IFT140: variants seen among roughly 807,000 people sequenced by gnomAD.
The protein encoded by IFT140 is intraflagellar transport 140, also known as intraflagellar transport protein 140 homolog.
Under a neutral mutation model 164.6 loss-of-function variants are expected in IFT140, and 133 were observed. The observed-to-expected ratio is 0.81, with a 90% CI of 0.70 to 0.93. The LOEUF (loss-of-function observed/expected upper bound fraction) is 0.93, where lower values mean the gene tolerates loss of function less well. IFT140 is among the 40% of genes least tolerant of loss of function. The probability of loss-of-function intolerance (pLI) is 0.00; values close to 1 mark genes in which losing one functional copy is unlikely to be tolerated. For synonymous variants in IFT140, 860 were observed against 817.3 expected, an observed-to-expected ratio of 1.05 and a Z score of -0.89; for missense variants, 2,045 against 1,972.3, an observed-to-expected ratio of 1.04 and a Z score of -0.70.
intron 30 of IFT140, among the ~76,000 whole-genome samples, chr16:1,517,461 C>G (rs1429826423): frequency 6.6e-6 from 1 of 152,072 alleles, no homozygotes; most frequent in African/African-American, 2.4e-5. Context: ...TGAGAAGGAG[C>G]TGCACATCAC....
intron 2 of IFT140, among the ~76,000 whole-genome samples, chr16:1,608,100 TAG>T (rs4017884): frequency 0.33 from 49,609 of 151,910 alleles, 8,585 homozygotes; most frequent in African/African-American, 0.44. Flanking sequence ...CTTCCTCTAT[TAG>T]AGAGTCAAGA....
chr16:1,558,583 C>G (rs994320352), intron 18 of IFT140, among the ~76,000 whole-genome samples: 2 of 152,214 alleles, frequency 1.3e-5, no homozygotes, highest in African/African-American at 4.8e-5. Context: ...TGCTGGAGGC[C>G]CATCCTCACC....
At position 1,589,797 on chromosome 16, in the gene IFT140, G is replaced by A. The variant is rs544097481; in HGVS notation, c.635-17C>T. The A allele has an allele frequency of 6.2e-7, 1 of 1,604,282 alleles. No individual in the cohort carries two copies. Among genetic ancestry groups the A allele is most frequent in the Non-Finnish European group, 8.5e-7 (1 of 1,172,072 alleles). On this transcript the variant is annotated splice_polypyrimidine_tract_variant and intron_variant, in intron 6 of 30. Transcript: ENST00000426508. The stretch of plus-strand genomic sequence containing the variant: ...GCACTGTCCCTGGGGACAAACGTGG[G>A]GTCACTACATGAGGAGGCCCTGGTT...
At chr16:1,529,929 T>G (rs2030265647) in intron 19 of IFT140, among the ~76,000 whole-genome samples, 2 of 152,018 alleles carry the variant, frequency 1.3e-5, no homozygotes. Context: ...CACTGTGTCC[T>G]CACTGCACAG....
chr16:1,599,227 C>T (rs371821925), intron 4 of IFT140, among the ~76,000 whole-genome samples: 2 of 84,088 alleles, frequency 2.4e-5, no homozygotes, highest in Admixed American at 1.1e-4. Flanking sequence ...GCAGCTGCCC[C>T]GTCTGAGAAG....
chr16:1,561,397 C>T (rs1010090483), intron 18 of IFT140, among the ~76,000 whole-genome samples: 2 of 152,186 alleles, frequency 1.3e-5, no homozygotes, highest in Non-Finnish European at 1.5e-5. Flanking sequence ...GTACTGATGA[C>T]GATCCCATTC....
chr16:1,602,266 G>A, intron 4 of IFT140, 104 bp downstream of exon 4: 1 of 1,012,190 alleles, frequency 9.9e-7, no homozygotes, highest in Admixed American at 2.1e-5. Context: ...AAGATCAACT[G>A]AATTTGGCAA....
At position 1,584,373 on chromosome 16, in the gene IFT140, C is replaced by T. The variant is rs752765678; in HGVS notation, c.1203G>A (p.Val401=). The part of the protein sequence containing the change: ...NLLAVNSVIS[V]AILSERAMSS... ...ACATGGCCCGCTCGCTGAGGATGGC[C>T]ACGGAGATGACGCTGTTCACTGCCA... Residue 401 remains valine, a synonymous_variant, in exon 11 of 31, where the codon GTG becomes GTA. Coordinates refer to ENST00000426508, the MANE Select transcript of IFT140 (RefSeq NM_014714.4). 4.3e-6 allele frequency: 7 copies of T among 1,612,642 alleles called. No homozygotes were observed. Among genetic ancestry groups the T allele is most frequent in the Non-Finnish European group, 5.1e-6 (6 of 1,179,684 alleles).
Position 1,593,950 on chromosome 16 carries a change from G to A in IFT140, c.370-1362C>T, listed in dbSNP as rs1479724194. Among the ~76,000 whole-genome samples the A allele has an allele frequency of 2.6e-5, 4 of 152,138 alleles. No homozygotes were observed. The South Asian group carries it at 6.2e-4, about 24-fold the overall frequency. On this transcript the variant is annotated intron_variant, in intron 4 of 30. Coordinates refer to ENST00000426508, the MANE Select transcript of IFT140 (RefSeq NM_014714.4). ...GGTGGAGCATCCATGTAAACCACCC[G>A]GGCTTCTTCAGCATGGGAGACCTGC...
chr16:1,532,766 C>T (rs1176593076), intron 19 of IFT140: 1 of 152,196 alleles, frequency 6.6e-6, no homozygotes, highest in African/African-American at 2.4e-5. Context: ...GAGTAGGAGA[C>T]CCTCTCGTGG....
chr16:1,587,722 G>A (rs958264887), intron 8 of IFT140, among the ~76,000 whole-genome samples: 5 of 152,226 alleles, frequency 3.3e-5, no homozygotes, highest in African/African-American at 1.2e-4. Flanking sequence ...GGGGAGCCCC[G>A]AGGGAGTGCA....
chr16:1,544,815 A>AT (rs1449997492), intron 19 of IFT140, among the ~76,000 whole-genome samples: 1 of 148,666 alleles, frequency 6.7e-6, no homozygotes, highest in Non-Finnish European at 1.5e-5. Context: ...CGCCTGGCTA[A>AT]TTTTTTGTAT....
At chr16:1,573,835 T>C (rs2034141353) in intron 13 of IFT140, among the ~76,000 whole-genome samples, 1 of 152,196 alleles carries the variant, frequency 6.6e-6, no homozygotes, top group Non-Finnish European at 1.5e-5. Context: ...CAGAAGTTAC[T>C]TTCTAGGGAG....
At chr16:1,518,768 A>G (rs1347418175) in intron 29 of IFT140, among the ~76,000 whole-genome samples, 1 of 151,916 alleles carries the variant, frequency 6.6e-6, no homozygotes, top group Non-Finnish European at 1.5e-5. Flanking sequence ...CTGCCCGCAC[A>G]CAGGCTGCGT....
In IFT140 at chr16:1,611,993, TC is replaced by T. The variant is rs1486090881; in HGVS notation, c.-248del. On this transcript the variant is annotated 5_prime_UTR_variant, in exon 1 of 31. Transcript: ENST00000426508. Reference sequence around the variant, plus strand: ...TGCCTCAGACGTGCTTCCACACTTCTCAGAACTCAGGTTCGCGCCCGATTCC... The same window carrying T: ...TGCCTCAGACGTGCTTCCACACTTCTAGAACTCAGGTTCGCGCCCGATTCC... 6.6e-6 allele frequency: 1 copy of T among 152,156 alleles called. No homozygotes were observed. Among genetic ancestry groups the T allele is most frequent in the Admixed American group, 6.5e-5 (1 of 15,270 alleles). The allele number at this position is 152,156 out of a possible 1,614,324, so 9.4% of individuals were successfully genotyped here. A position where few individuals can be genotyped will look rare whatever the true frequency, so the allele number is the denominator to read the frequency against.
rs756657960 is a variant in IFT140 at position 1,568,271 on chromosome 16, G to T, written c.1716C>A (p.Ile572=). The T allele has an allele frequency of 2.5e-6, 4 of 1,613,252 alleles. No individual in the cohort carries two copies. Among genetic ancestry groups the T allele is most frequent in the Non-Finnish European group, 3.4e-6 (4 of 1,179,848 alleles). Reference sequence around the variant, plus strand: ...CGCTGCTGCTGCACCGCAGAGAAGCGATGCCCCCCACCCCAGGGACCAGCT... The same window carrying T: ...CGCTGCTGCTGCACCGCAGAGAAGCTATGCCCCCCACCCCAGGGACCAGCT... The part of the protein sequence containing the change: ...LAELVPGVGG[I]ASLRCSSSGS... The change falls in exon 15 of 31, where the codon ATC becomes ATA. Residue 572 remains isoleucine (I), a synonymous_variant. Transcript: ENST00000426508.
At position 1,562,074 on chromosome 16, in the gene IFT140, C is replaced by T. The variant is rs150745099; in HGVS notation, c.2110G>A (p.Gly704Ser). The change falls in exon 18 of 31, where the codon GGC becomes AGC. Residue 704 changes from glycine (G) to serine (S), a missense_variant. Coordinates refer to ENST00000426508, the MANE Select transcript of IFT140 (RefSeq NM_014714.4). The stretch of plus-strand genomic sequence containing the variant: ...GGGAAGCTCTCATGAAGCAGGAAGC[C>T]GTGCTCTTCGGAAATGAAGAAGGAC... ...ILSFFISEEH[G>S]FLLHESFPRP... 1.3e-4 allele frequency: 210 copies of T among 1,611,434 alleles called. 1 individual carries two copies. The highest frequency in any genetic ancestry group is 1.1e-3 in the African/African-American group (83 of 74,872).
chr16:1,542,950 G>A (rs1287185442), intron 19 of IFT140, among the ~76,000 whole-genome samples: 6 of 152,360 alleles, frequency 3.9e-5, no homozygotes, highest in African/African-American at 1.2e-4. Flanking sequence ...AGGGTCCTGC[G>A]GTGTTCTAGA....
At chr16:1,534,150 C>A (rs756533147) in intron 19 of IFT140, 10 of 1,264,638 alleles carry the variant, frequency 7.9e-6, no homozygotes, top group Non-Finnish European at 1.1e-5. Context: ...GGCCTCCGCC[C>A]GCGCCGCCCC....
Sources: allele counts gnomAD v4.1 joint callset (sites outside exome capture counted in the v4.1 genomes callset), GRCh38; gene constraint gnomAD v4.1.1; transcripts MANE v1.5; gene names NCBI Gene and HGNC (gene_info 2026-07-23, HGNC 2026-07-21).